MARCHF1: variants seen among roughly 807,000 people sequenced by gnomAD.
The protein encoded by MARCHF1 is membrane associated ring-CH-type finger 1.
MARCHF1 carries 40 observed loss-of-function variants against 54.2 expected under a neutral mutation model. The ratio of observed to expected loss-of-function variants is 0.74; its 90% CI spans 0.57 to 0.96. The LOEUF is 0.96. Ranked by LOEUF, MARCHF1 falls within the 40% of genes least tolerant of loss-of-function variation. The pLI is 0.00. For missense variants in MARCHF1, 586 were observed against 656.5 expected (o/e 0.89, Z 1.17); for synonymous variants, 236 against 236.3 (o/e 1.00, Z 0.01).
At chr4:164,213,203 T>TTTATTATTATTA (rs200182175) in intron 1 of MARCHF1, among the ~76,000 whole-genome samples, 118 of 141,790 alleles carry the variant, frequency 8.3e-4, no homozygotes, top group African/African-American at 1.8e-3. Context: ...GGCTTTTACT[T>TTTATTATTATTA]TTATTATTAT....
intron 4 of MARCHF1, among the ~76,000 whole-genome samples, chr4:163,751,716 G>A (rs779022314): frequency 6.6e-6 from 1 of 152,042 alleles, no homozygotes; most frequent in Non-Finnish European, 1.5e-5. Context: ...TAACATTCCT[G>A]ACTGAAAGAC....
In MARCHF1 at chr4:163,862,013, T is replaced by C. The variant is rs1389019023; in HGVS notation, c.-38-7844A>G. On this transcript the variant is annotated intron_variant, in intron 3 of 9. Transcript: ENST00000514618. The stretch of plus-strand genomic sequence containing the variant: ...TGGTTCTGGAACAATTGGACATTCA[T>C]ATGCAAAAAAATGACTCAACACAGA... 4.6e-5 allele frequency among the ~76,000 whole-genome samples: 7 copies of C among 152,022 alleles called. No homozygotes were observed. In the East Asian group the frequency reaches 1.3e-3, roughly 29 times the overall value.
At chr4:164,159,107 T>C (rs1730160499) in intron 1 of MARCHF1, among the ~76,000 whole-genome samples, 1 of 152,200 alleles carries the variant, frequency 6.6e-6, no homozygotes, top group African/African-American at 2.4e-5. Flanking sequence ...ATGGCCAAAT[T>C]ACTTAATCTC....
In MARCHF1 at chr4:163,632,608, T is replaced by A. The variant is rs1435782767; in HGVS notation, c.163-19215A>T. On this transcript the variant is annotated intron_variant, in intron 5 of 9. Coordinates refer to ENST00000514618, the MANE Select transcript of MARCHF1 (RefSeq NM_001394959.1). ...CTTGGAGGGTCCTATGCCCACGGAG[T>A]CTCGCTGATTGTTAGCACAGCAGTC... Among the ~76,000 whole-genome samples, 6 of 151,554 alleles carry A rather than the reference T, an allele frequency of 4.0e-5. No homozygotes were observed. In the East Asian group the frequency reaches 1.2e-3, roughly 29 times the overall value.
At chr4:164,320,316 A>G (rs1469742433) in intron 1 of MARCHF1, among the ~76,000 whole-genome samples, 2 of 152,158 alleles carry the variant, frequency 1.3e-5, no homozygotes, top group Admixed American at 6.6e-5. Context: ...TCCCAAGGTA[A>G]ACATTATTAT....
chr4:163,566,836 T>C (rs1739660834), intron 8 of MARCHF1, among the ~76,000 whole-genome samples: 1 of 152,226 alleles, frequency 6.6e-6, no homozygotes, highest in Non-Finnish European at 1.5e-5. Flanking sequence ...GAAAGAATCA[T>C]GGACAGCTTC....
At chr4:163,951,297 A>G (rs1752130230) in intron 3 of MARCHF1, among the ~76,000 whole-genome samples, 1 of 152,116 alleles carries the variant, frequency 6.6e-6, no homozygotes, top group East Asian at 1.9e-4. Flanking sequence ...CTTGTCCTTA[A>G]CTCTCATCTA....
At chr4:163,859,005 T>C (rs1749847362) in intron 3 of MARCHF1, among the ~76,000 whole-genome samples, 1 of 152,198 alleles carries the variant, frequency 6.6e-6, no homozygotes, top group Admixed American at 6.5e-5. Context: ...GAGATGTTCA[T>C]AGTTGTATTC....
chr4:164,178,622 T>G (rs766494196), intron 1 of MARCHF1, among the ~76,000 whole-genome samples: 1 of 152,180 alleles, frequency 6.6e-6, no homozygotes, highest in African/African-American at 2.4e-5. Context: ...CACTGAGTAC[T>G]GATGGTACTG....
Position 163,981,683 on chromosome 4 carries a change from C to A in MARCHF1, c.-39+6818G>T, listed in dbSNP as rs1241396505. Among the ~76,000 whole-genome samples, 8 of 152,174 alleles carry A rather than the reference C, an allele frequency of 5.3e-5. No homozygotes were observed. In the South Asian group the frequency reaches 1.7e-3, roughly 31 times the overall value. On this transcript the variant is annotated intron_variant, in intron 3 of 9. Coordinates refer to ENST00000514618, the MANE Select transcript of MARCHF1 (RefSeq NM_001394959.1). Reference sequence around the variant, plus strand: ...TTGAGGGATTCTAAATCCATGCTGGCATTGTCAGTGCTCCCTTTGTGCTAC... The same window carrying A: ...TTGAGGGATTCTAAATCCATGCTGGAATTGTCAGTGCTCCCTTTGTGCTAC...
chr4:164,152,771 A>G (rs952766325), intron 1 of MARCHF1, among the ~76,000 whole-genome samples: 4 of 152,130 alleles, frequency 2.6e-5, no homozygotes, highest in Non-Finnish European at 4.4e-5. Flanking sequence ...GGTCTCCACA[A>G]TCCTTTATGT....
chr4:164,032,198 T>C (rs948912987), intron 2 of MARCHF1, among the ~76,000 whole-genome samples: 4 of 152,186 alleles, frequency 2.6e-5, no homozygotes, highest in Admixed American at 6.5e-5. Context: ...GCATTTCTTA[T>C]TGTGTCTATT....
At chr4:163,541,833 T>C (rs563570092) in intron 9 of MARCHF1, among the ~76,000 whole-genome samples, 2 of 152,334 alleles carry the variant, frequency 1.3e-5, no homozygotes, top group African/African-American at 2.4e-5. Context: ...GCACTCACAG[T>C]CCCAATGCCA....
At chr4:163,772,709 A>C (rs1747195222) in intron 4 of MARCHF1, among the ~76,000 whole-genome samples, 1 of 151,886 alleles carries the variant, frequency 6.6e-6, no homozygotes, top group African/African-American at 2.4e-5. Context: ...TAGCCAAAGA[A>C]AAGCCCTGCT....
At chr4:164,018,059 T>C (rs1300763536) in intron 2 of MARCHF1, among the ~76,000 whole-genome samples, 1 of 151,958 alleles carries the variant, frequency 6.6e-6, no homozygotes. Flanking sequence ...AAAATAATTA[T>C]ATATTTTTTA....
chr4:164,151,248 A>T (rs903337864), intron 1 of MARCHF1, among the ~76,000 whole-genome samples: 3 of 152,194 alleles, frequency 2.0e-5, no homozygotes, highest in African/African-American at 7.2e-5. Flanking sequence ...GAGCTAAGAC[A>T]GTTCTAAGGA....
At chr4:163,938,618 G>T (rs1391704539) in intron 3 of MARCHF1, among the ~76,000 whole-genome samples, 2 of 152,154 alleles carry the variant, frequency 1.3e-5, no homozygotes, top group Admixed American at 1.3e-4. Flanking sequence ...TAACCTGAAG[G>T]ATGCACCTGT....
intron 4 of MARCHF1, among the ~76,000 whole-genome samples, chr4:163,804,817 C>T (rs1367423280): frequency 6.6e-6 from 1 of 152,040 alleles, no homozygotes; most frequent in African/African-American, 2.4e-5. Context: ...CACGGCATTC[C>T]CTTTTAGACA....
intron 1 of MARCHF1, among the ~76,000 whole-genome samples, chr4:164,207,995 A>G (rs985138642): frequency 2.6e-5 from 4 of 152,116 alleles, no homozygotes; most frequent in African/African-American, 7.2e-5. Context: ...AAACCAAAAA[A>G]CCTCACTGAA....
Sources: gnomAD v4.1 joint callset for allele counts (sites outside exome capture counted in the v4.1 genomes callset) on GRCh38, gnomAD v4.1.1 for gene constraint, MANE v1.5 for transcripts, NCBI Gene and HGNC (gene_info 2026-07-23, HGNC 2026-07-21) for gene names.